LRRC4C: variants seen among roughly 807,000 people sequenced by gnomAD.
LRRC4C encodes the protein leucine-rich repeat-containing protein 4C.
LRRC4C carries 5 observed loss-of-function variants against 33.6 expected under a neutral mutation model. The ratio of observed to expected loss-of-function variants is 0.15; its 90% CI spans 0.08 to 0.31. The LOEUF (loss-of-function observed/expected upper bound fraction) is 0.31, where lower values mean the gene tolerates loss of function less well. LRRC4C is among the 10% of genes least tolerant of loss of function. LRRC4C has a pLI of 1.00. For missense variants in LRRC4C, 560 were observed against 796.7 expected, an observed-to-expected ratio of 0.70 and a Z score of 3.58; for synonymous variants, 329 against 302.0, an observed-to-expected ratio of 1.09 and a Z score of -0.93.
At chr11:41,036,519 G>T (rs1185549199) in intron 1 of LRRC4C, among the ~76,000 whole-genome samples, 1 of 152,108 alleles carries the variant, frequency 6.6e-6, no homozygotes, top group East Asian at 1.9e-4. Context: ...TAATTCAAAG[G>T]GTTGATAATA....
intron 1 of LRRC4C, among the ~76,000 whole-genome samples, chr11:40,950,579 T>C (rs1174439614): frequency 6.6e-6 from 1 of 152,098 alleles, no homozygotes; most frequent in Non-Finnish European, 1.5e-5. Flanking sequence ...GACCTTTGTG[T>C]ATACATGGAA....
intron 2 of LRRC4C, among the ~76,000 whole-genome samples, chr11:40,757,614 T>TTA: frequency 6.7e-6 from 1 of 150,172 alleles, no homozygotes; most frequent in East Asian, 2.0e-4. Context: ...TTTTTTTTTT[T>TTA]ACTATTTTTT....
At chr11:41,204,203 T>C (rs956880288) in intron 1 of LRRC4C, among the ~76,000 whole-genome samples, 1 of 152,234 alleles carries the variant, frequency 6.6e-6, no homozygotes, top group African/African-American at 2.4e-5. Flanking sequence ...TGATGTATAC[T>C]GCAAGGAATT....
At chr11:41,452,363 T>A (rs572067914) in intron 1 of LRRC4C, among the ~76,000 whole-genome samples, 1 of 152,138 alleles carries the variant, frequency 6.6e-6, no homozygotes, top group Non-Finnish European at 1.5e-5. Context: ...AATAGATATG[T>A]AAAGGAACAG....
Position 41,186,003 on chromosome 11 carries a change from C to T in LRRC4C, c.-495-252280G>A, listed in dbSNP as rs146104631. On this transcript the variant is annotated intron_variant, in intron 1 of 6. Coordinates refer to ENST00000528697, the MANE Select transcript of LRRC4C (RefSeq NM_001258419.2). ...AGAAAAGAGTATAAAACAGATAAGC[C>T]GTACAGAGAGGTAAATATAGTAAAT... Among the ~76,000 whole-genome samples the T allele has an allele frequency of 2.8e-3, 420 of 151,638 alleles. 3 individuals carry two copies. Among genetic ancestry groups the T allele is most frequent in the African/African-American group, 9.5e-3 (391 of 41,364 alleles).
At chr11:40,335,888 T>A (rs1419844075) in intron 3 of LRRC4C, among the ~76,000 whole-genome samples, 1 of 152,212 alleles carries the variant, frequency 6.6e-6, no homozygotes, top group Non-Finnish European at 1.5e-5. Flanking sequence ...TTACTAGCTC[T>A]ATGACTTCAG....
intron 1 of LRRC4C, among the ~76,000 whole-genome samples, chr11:41,037,697 C>G (rs929394239): frequency 2.0e-5 from 3 of 152,068 alleles, no homozygotes; most frequent in Non-Finnish European, 2.9e-5. Context: ...AAAACTGAGA[C>G]TTAGAAAAGC....
At chr11:41,388,465 G>C (rs978545562) in intron 1 of LRRC4C, among the ~76,000 whole-genome samples, 10 of 151,816 alleles carry the variant, frequency 6.6e-5, no homozygotes, top group African/African-American at 2.4e-4. Flanking sequence ...AATAATCATG[G>C]TATACTATGA....
intron 1 of LRRC4C, among the ~76,000 whole-genome samples, chr11:41,408,814 A>G (rs1325472644): frequency 2.0e-5 from 3 of 150,314 alleles, no homozygotes; most frequent in Non-Finnish European, 4.4e-5. Context: ...TAGAGTTATT[A>G]TGGAAGTGAA....
At chr11:40,453,617 G>GAAAAAAAAA (rs149112559) in intron 3 of LRRC4C, among the ~76,000 whole-genome samples, 4 of 143,752 alleles carry the variant, frequency 2.8e-5, no homozygotes, top group Non-Finnish European at 6.1e-5. Flanking sequence ...GGCATTCTAA[G>GAAAAAAAAA]AAAAAAAAAA....
chr11:41,042,903 G>C (rs1404144029), intron 1 of LRRC4C, among the ~76,000 whole-genome samples: 1 of 151,358 alleles, frequency 6.6e-6, no homozygotes, highest in East Asian at 1.9e-4. Flanking sequence ...TGTTATAATT[G>C]GCATAGATAG....
At chr11:41,173,929 T>G (rs555989142) in intron 1 of LRRC4C, among the ~76,000 whole-genome samples, 1 of 152,102 alleles carries the variant, frequency 6.6e-6, no homozygotes, top group Non-Finnish European at 1.5e-5. Context: ...TATGTCAACT[T>G]TAAAAGTTAT....
intron 2 of LRRC4C, among the ~76,000 whole-genome samples, chr11:40,932,009 TA>T (rs1388455023): frequency 6.6e-6 from 1 of 152,084 alleles, no homozygotes; most frequent in Non-Finnish European, 1.5e-5. Flanking sequence ...ATAACCAAGT[TA>T]ATTGTCCTGA....
At chr11:40,780,719 T>C (rs1389272395) in intron 2 of LRRC4C, among the ~76,000 whole-genome samples, 1 of 151,866 alleles carries the variant, frequency 6.6e-6, no homozygotes, top group African/African-American at 2.4e-5. Flanking sequence ...ACAGTTCTTA[T>C]AATGTATAAT....
At chr11:41,311,805 G>A (rs1006378687) in intron 1 of LRRC4C, among the ~76,000 whole-genome samples, 1 of 151,978 alleles carries the variant, frequency 6.6e-6, no homozygotes, top group African/African-American at 2.4e-5. Context: ...ACAAATTTTG[G>A]CTTTCTATTT....
intron 4 of LRRC4C, among the ~76,000 whole-genome samples, chr11:40,264,014 A>G (rs1351902582): frequency 6.6e-6 from 1 of 152,200 alleles, no homozygotes; most frequent in Non-Finnish European, 1.5e-5. Context: ...ATTGAGAAAT[A>G]AATTCTAGAT....
intron 1 of LRRC4C, among the ~76,000 whole-genome samples, chr11:40,990,359 T>C (rs1263894330): frequency 6.7e-6 from 1 of 150,218 alleles, no homozygotes; most frequent in Non-Finnish European, 1.5e-5. Flanking sequence ...TAGTCACAAC[T>C]ATCCTACCTA....
At chr11:41,441,313 G>A (rs1300033073) in intron 1 of LRRC4C, among the ~76,000 whole-genome samples, 1 of 152,106 alleles carries the variant, frequency 6.6e-6, no homozygotes, top group Non-Finnish European at 1.5e-5. Context: ...GTGGAAGGTA[G>A]AGGCAAAATG....
intron 2 of LRRC4C, among the ~76,000 whole-genome samples, chr11:40,663,236 A>G (rs1055326951): frequency 1.3e-5 from 2 of 151,898 alleles, no homozygotes; most frequent in Non-Finnish European, 2.9e-5. Flanking sequence ...GTGCACCACC[A>G]TGCCTGGCTA....
Sources: allele counts gnomAD v4.1 joint callset (sites outside exome capture counted in the v4.1 genomes callset), GRCh38; gene constraint gnomAD v4.1.1; transcripts MANE v1.5; gene names NCBI Gene and HGNC (gene_info 2026-07-23, HGNC 2026-07-21).